The following DNAAF9 variants were observed in gnomAD, a reference collection of about 807,000 sequenced individuals.
DNAAF9 encodes the protein dynein axonemal assembly factor 9.
DNAAF9 carries 90 observed loss-of-function variants against 167.0 expected under a neutral mutation model. The observed-to-expected ratio is 0.54, with a 90% CI of 0.45 to 0.64. The LOEUF is 0.64. Ranked by LOEUF, DNAAF9 falls within the 30% of genes least tolerant of loss-of-function variation. DNAAF9 has a pLI of 0.00. For missense variants in DNAAF9, 1,315 were observed against 1,442.2 expected (o/e 0.91, Z 1.43); for synonymous variants, 491 against 508.8 (o/e 0.96, Z 0.47).
chr20:3,257,176 G>C (rs6051683), intron 33 of DNAAF9, among the ~76,000 whole-genome samples: 36,622 of 151,994 alleles, frequency 0.24, 4,855 homozygotes, highest in African/African-American at 0.34. Flanking sequence ...CCGGAAAAAA[G>C]CGAGGTTAAA....
intron 21 of DNAAF9, among the ~76,000 whole-genome samples, chr20:3,300,929 A>G (rs2069174421): frequency 6.6e-6 from 1 of 151,632 alleles, no homozygotes; most frequent in African/African-American, 2.4e-5. Flanking sequence ...AATTATAAAA[A>G]TACAACAGAG....
chr20:3,252,870 G>A (rs886959321), intron 36 of DNAAF9, among the ~76,000 whole-genome samples, 186 bp from the exon 37 acceptor site: 1 of 152,224 alleles, frequency 6.6e-6, no homozygotes, highest in African/African-American at 2.4e-5. Context: ...TGCAATGGCT[G>A]TTGTCACAGG....
rs754755659 is a variant in DNAAF9, at chr20:3,376,321, C to A, written c.284-19G>T. The A allele has an allele frequency of 1.3e-5, 20 of 1,585,522 alleles. No individual in the cohort carries two copies. Among genetic ancestry groups the A allele is most frequent in the Non-Finnish European group, 1.7e-5 (20 of 1,164,800 alleles). ...ATTACATCTGTAAGAAAAACAAAAT[C>A]AAAACACAAGACTGTCAAACACATT... On this transcript the variant is annotated intron_variant, in intron 3 of 36. Coordinates refer to ENST00000252032, the MANE Select transcript of DNAAF9 (RefSeq NM_001009984.3).
intron 29 of DNAAF9, among the ~76,000 whole-genome samples, chr20:3,272,390 C>G (rs1409962366): frequency 1.3e-5 from 2 of 152,030 alleles, no homozygotes; most frequent in Non-Finnish European, 2.9e-5. Flanking sequence ...CCATGCTTGG[C>G]TAATTTTTTT....
chr20:3,258,503 C>G (rs1448665824), intron 33 of DNAAF9, among the ~76,000 whole-genome samples: 1 of 152,132 alleles, frequency 6.6e-6, no homozygotes, highest in Non-Finnish European at 1.5e-5. Flanking sequence ...CACAGCAATC[C>G]AATGAGATAA....
intron 29 of DNAAF9, among the ~76,000 whole-genome samples, chr20:3,278,642 C>G (rs1426333201): frequency 6.6e-6 from 1 of 151,886 alleles, no homozygotes; most frequent in Non-Finnish European, 1.5e-5. Flanking sequence ...TCAGTTGAAC[C>G]TGGGAGGCAG....
chr20:3,330,165 C>T (rs1486766971), intron 12 of DNAAF9, among the ~76,000 whole-genome samples: 1 of 152,196 alleles, frequency 6.6e-6, no homozygotes, highest in African/African-American at 2.4e-5. Flanking sequence ...GCAAAGCTGG[C>T]AAGGTTCTCT....
chr20:3,354,975 T>C (rs2083264474), intron 7 of DNAAF9, among the ~76,000 whole-genome samples: 2 of 152,136 alleles, frequency 1.3e-5, no homozygotes, highest in Admixed American at 1.3e-4. Context: ...AAAGATGCTC[T>C]CCCGAGTGGA....
At chr20:3,258,207 G>A (rs2068316574) in intron 33 of DNAAF9, among the ~76,000 whole-genome samples, 1 of 152,184 alleles carries the variant, frequency 6.6e-6, no homozygotes, top group Non-Finnish European at 1.5e-5. Flanking sequence ...GGTGATGGGT[G>A]AGAGGGAAAA....
intron 1 of DNAAF9, among the ~76,000 whole-genome samples, chr20:3,388,477 T>C (rs1419391286): frequency 6.6e-6 from 1 of 152,052 alleles, no homozygotes; most frequent in African/African-American, 2.4e-5. Context: ...TTCCAAAGAA[T>C]TGAAAGCAGG....
intron 7 of DNAAF9, among the ~76,000 whole-genome samples, chr20:3,358,763 T>G (rs981482845): frequency 2.0e-5 from 3 of 152,238 alleles, no homozygotes; most frequent in Admixed American, 6.5e-5. Flanking sequence ...ATCTTGGTTG[T>G]TAAATATTGT....
chr20:3,389,892 C>G (rs192365479), intron 1 of DNAAF9, among the ~76,000 whole-genome samples: 55 of 152,208 alleles, frequency 3.6e-4, no homozygotes, highest in African/African-American at 1.3e-3. Flanking sequence ...AAAAATTAGC[C>G]TGGCGTGATG....
At chr20:3,332,431 A>G (rs2069847495) in intron 10 of DNAAF9, 70 bp from the exon 11 acceptor site, 1 of 786,610 alleles carries the variant, frequency 1.3e-6, no homozygotes, top group Non-Finnish European at 2.2e-6. Flanking sequence ...ATAAACAAAA[A>G]GTATAGAGTC....
rs1193045277 is a variant in DNAAF9 at position 3,326,142 on chromosome 20, A to T, written c.1188+55T>A. 1.2e-5 allele frequency: 15 copies of T among 1,272,012 alleles called. No individual in the cohort carries two copies. The East Asian group carries it at 3.5e-4, about 30-fold the overall frequency. 78.8% of individuals were successfully genotyped at this position (1,272,012 alleles called of 1,614,324 possible). On this transcript the variant is annotated intron_variant, in intron 13 of 36. Coordinates refer to ENST00000252032, the MANE Select transcript of DNAAF9 (RefSeq NM_001009984.3). Reference sequence around the variant, plus strand: ...GTCCAAAGAAGAAACACATGGATAGAATGTTTTACATTAAAATAATAATTA... The same window carrying T: ...GTCCAAAGAAGAAACACATGGATAGTATGTTTTACATTAAAATAATAATTA...
At chr20:3,405,397 C>T (rs939723556) in intron 1 of DNAAF9, among the ~76,000 whole-genome samples, 1 of 152,128 alleles carries the variant, frequency 6.6e-6, no homozygotes, top group African/African-American at 2.4e-5. Flanking sequence ...ATATGGGTGA[C>T]AGGAAAGTGC....
chr20:3,259,575 C>G lies in DNAAF9; in HGVS notation c.2981-21G>C, dbSNP rs761596842. The G allele has an allele frequency of 2.5e-6, 4 of 1,569,496 alleles. No individual in the cohort carries two copies. In the South Asian group the frequency reaches 3.3e-5, roughly 13 times the overall value. ...AATTGCTGGTGGAAGAAGAGGACAG[C>G]GCTGTCACCCACATGGAGGCACAGG... On this transcript the variant is annotated intron_variant, in intron 32 of 36. Coordinates refer to ENST00000252032, the MANE Select transcript of DNAAF9 (RefSeq NM_001009984.3).
chr20:3,281,764 T>C lies in DNAAF9; in HGVS notation c.2489A>G (p.Tyr830Cys). The change falls in exon 28 of 37, where the codon TAC (tyrosine) becomes TGC (cysteine). Residue 830 changes from tyrosine (Y) to cysteine (C), a missense_variant and splice_region_variant. Coordinates refer to ENST00000252032, the MANE Select transcript of DNAAF9 (RefSeq NM_001009984.3). ...CTGGACAACATCAATAACATCTGTG[T>C]AGCTGGGGAAGGTAAAAAAGGAATG... is the stretch of plus-strand genomic sequence containing the variant. ...KTRLLVVLQGYTDVIDVVQAL... is the reference protein window; with the variant it reads ...KTRLLVVLQGCTDVIDVVQAL... 1 of 1,609,174 alleles carries C rather than the reference T, an allele frequency of 6.2e-7. No individual in the cohort carries two copies. Among genetic ancestry groups the C allele is most frequent in the Non-Finnish European group, 8.5e-7 (1 of 1,178,172 alleles).
chr20:3,294,473 T>C, intron 24 of DNAAF9, 55 bp downstream of exon 24: 1 of 1,239,908 alleles, frequency 8.1e-7, no homozygotes, highest in Non-Finnish European at 1.2e-6. Context: ...CACTGAGGTT[T>C]CCGACATTTC....
chr20:3,344,143 T>A (rs908402455), intron 8 of DNAAF9, among the ~76,000 whole-genome samples: 19 of 152,322 alleles, frequency 1.2e-4, no homozygotes, highest in African/African-American at 3.8e-4. Flanking sequence ...TTTAAAAAAA[T>A]GTCTTCTACA....
Sources: gnomAD v4.1 joint callset for allele counts (sites outside exome capture counted in the v4.1 genomes callset) on GRCh38, gnomAD v4.1.1 for gene constraint, MANE v1.5 for transcripts, NCBI Gene and HGNC (gene_info 2026-07-23, HGNC 2026-07-21) for gene names.